SYNE2: variants seen among roughly 807,000 people sequenced by gnomAD.
SYNE2 encodes the protein nesprin-2.
SYNE2 carries 431 observed loss-of-function variants against 856.3 expected under a neutral mutation model. The observed-to-expected ratio is 0.50, with a 90% CI of 0.47 to 0.55. The LOEUF (loss-of-function observed/expected upper bound fraction) is 0.55. SYNE2 is among the 20% of genes least tolerant of loss of function. SYNE2 has a pLI of 0.00. For synonymous variants in SYNE2, 2,923 were observed against 2,872.3 expected, an observed-to-expected ratio of 1.02 and a Z score of -0.56; for missense variants, 8,129 against 8,023.2, an observed-to-expected ratio of 1.01 and a Z score of -0.50.
At chr14:64,086,061 G>A (rs962127766) in intron 57 of SYNE2, among the ~76,000 whole-genome samples, 3 of 152,018 alleles carry the variant, frequency 2.0e-5, no homozygotes, top group Non-Finnish European at 4.4e-5. Flanking sequence ...CTTTTGTGTT[G>A]CATTCTAAGA....
chr14:63,831,438 C>CTTGAT (rs1889663347), intron 1 of SYNE2, among the ~76,000 whole-genome samples: 1 of 147,478 alleles, frequency 6.8e-6, no homozygotes, highest in Non-Finnish European at 1.5e-5. Context: ...GACATTTGCT[C>CTTGAT]TTGATTTTTG....
At chr14:64,137,720 T>G (rs2098106470) in intron 78 of SYNE2, 67 bp from the exon 79 acceptor site, 7 of 1,525,252 alleles carry the variant, frequency 4.6e-6, no homozygotes, top group African/African-American at 2.8e-5. Flanking sequence ...TTAAATGCAG[T>G]ATTTGTGAAT....
intron 90 of SYNE2, among the ~76,000 whole-genome samples, chr14:64,166,579 T>C (rs1053700065): frequency 2.0e-5 from 3 of 152,238 alleles, no homozygotes; most frequent in Non-Finnish European, 4.4e-5. Flanking sequence ...ACTCTGTGCT[T>C]GACCTGTTTG....
At chr14:64,008,638 T>G (rs1287606030) in intron 31 of SYNE2, among the ~76,000 whole-genome samples, 1 of 152,218 alleles carries the variant, frequency 6.6e-6, no homozygotes, top group African/African-American at 2.4e-5. Context: ...TGGAATATCC[T>G]CTGTCCATCC....
At chr14:63,786,438 C>T (rs1186039653) in intron 1 of SYNE2, among the ~76,000 whole-genome samples, 1 of 152,116 alleles carries the variant, frequency 6.6e-6, no homozygotes, top group Non-Finnish European at 1.5e-5. Context: ...ACTGCCCTTC[C>T]CTTCTTCCAC....
chr14:64,132,254 C>G lies in SYNE2; in HGVS notation c.14341-11C>G, dbSNP rs369669657. On this transcript the variant is annotated splice_polypyrimidine_tract_variant and intron_variant, in intron 76 of 115. Coordinates refer to ENST00000555002, the MANE Select transcript of SYNE2 (RefSeq NM_182914.3). ...TTCAAAGTAAATATTAAAACTTTCTCCATCTCATAGGTTTTTTTCCAGAAG... is the reference window on the plus strand; with the variant it reads ...TTCAAAGTAAATATTAAAACTTTCTGCATCTCATAGGTTTTTTTCCAGAAG... The G allele has an allele frequency of 2.5e-6, 4 of 1,612,488 alleles. No individual in the cohort carries two copies. In the African/African-American group the frequency reaches 5.3e-5, roughly 22 times the overall value.
chr14:63,850,527 G>A (rs1011041102), upstream of SYNE2, among the ~76,000 whole-genome samples: 2 of 152,070 alleles, frequency 1.3e-5, no homozygotes, highest in Non-Finnish European at 2.9e-5. Context: ...GCCCAGGGTT[G>A]TGTTTTAAAA....
chr14:64,141,809 TTTG>T lies in SYNE2; in HGVS notation c.15160-130_15160-128del, dbSNP rs1473946492. 1.1e-4 allele frequency: 138 copies of T among 1,208,202 alleles called. 1 individual carries two copies. The South Asian group carries it at 1.8e-3, about 16-fold the overall frequency. The allele number at this position is 1,208,202 out of a possible 1,614,324, so 74.8% of individuals were successfully genotyped here. On this transcript the variant is annotated intron_variant, in intron 81 of 115. Coordinates refer to ENST00000555002, the MANE Select transcript of SYNE2 (RefSeq NM_182914.3). Reference sequence around the variant, plus strand: ...GCTTATTCTAAGTTTGAATGCTGGGTTTGTTTTTTTTTTGAGTAACCTGCATAA... The same window carrying T: ...GCTTATTCTAAGTTTGAATGCTGGGTTTTTTTTTTTGAGTAACCTGCATAA...
chr14:64,113,094 C>T (rs2097824830), intron 65 of SYNE2: 36 of 985,258 alleles, frequency 3.7e-5, no homozygotes, highest in Non-Finnish European at 4.3e-5. Context: ...GAACTGTGAG[C>T]CTGTTTGCGT....
intron 1 of SYNE2, among the ~76,000 whole-genome samples, chr14:63,898,506 GC>G (rs2095290032): frequency 6.6e-6 from 1 of 152,030 alleles, no homozygotes; most frequent in African/African-American, 2.4e-5. Context: ...CCTGGCTCAA[GC>G]GATCCACCCG....
rs59481661 is a variant in SYNE2 at position 63,771,896 on chromosome 14, C to CAAAAAAAAAAAAAAAAA, written c.-305+9915_-305+9916insAAAAAAAAAAAAAAAAA. 1.2e-4 allele frequency among the ~76,000 whole-genome samples: 18 copies of CAAAAAAAAAAAAAAAAA among 148,128 alleles called. 1 individual carries two copies. The highest frequency in any genetic ancestry group is 4.8e-4 in the African/African-American group (18 of 37,776). Reference sequence around the variant, plus strand: ...TGGGCGATAGAGTGAGACTCTGTCTCAAAAAGCAAAAACAAAAACAAAAAC... The same window carrying CAAAAAAAAAAAAAAAAA: ...TGGGCGATAGAGTGAGACTCTGTCTCAAAAAAAAAAAAAAAAAAAAAAGCAAAAACAAAAACAAAAAC... On this transcript the variant is annotated intron_variant, in intron 1 of 23. Transcript: ENST00000674003.
intron 18 of SYNE2, among the ~76,000 whole-genome samples, chr14:63,984,685 A>G (rs547111979): frequency 2.0e-5 from 3 of 152,302 alleles, no homozygotes; most frequent in Admixed American, 6.5e-5. Context: ...TGGCTTTGGA[A>G]ATGCTCCACC....
rs545010154 is a variant in SYNE2 at position 64,167,709 on chromosome 14, A to C, written c.16905+70A>C. On this transcript the variant is annotated intron_variant, in intron 92 of 115. Coordinates refer to ENST00000555002, the MANE Select transcript of SYNE2 (RefSeq NM_182914.3). ...AGGAGTCAGGGAAAGATAGCTTTAA[A>C]TAAAACACAGGGAGTGTACCTATCA... The C allele has an allele frequency of 3.3e-5, 53 of 1,605,816 alleles. No individual in the cohort carries two copies. In the African/African-American group the frequency reaches 6.9e-4, roughly 21 times the overall value.
rs59794233 is a variant in SYNE2, at chr14:64,164,087, CTTATTTATTTATTTAT to C, written c.16479+533_16479+548del. 1.5e-3 allele frequency among the ~76,000 whole-genome samples: 203 copies of C among 137,836 alleles called. 2 individuals are homozygous for C. Among genetic ancestry groups the C allele is most frequent in the African/African-American group, 5.2e-3 (188 of 36,052 alleles). The allele number at this position is 137,836 out of a possible 152,430, so 90.4% of individuals were successfully genotyped here. Reference sequence around the variant, plus strand: ...GGCACCCACCACCACGCCTGGCTTGCTTATTTATTTATTTATTTATTTATTTATTTATTTATTTATT... The same window carrying C: ...GGCACCCACCACCACGCCTGGCTTGCTTATTTATTTATTTATTTATTTATT... On this transcript the variant is annotated intron_variant, in intron 89 of 115. Transcript: ENST00000555002.
At chr14:64,103,951 G>T (rs1360446592) in intron 64 of SYNE2, among the ~76,000 whole-genome samples, 1 of 152,172 alleles carries the variant, frequency 6.6e-6, no homozygotes, top group Non-Finnish European at 1.5e-5. Context: ...ATAGGATTCT[G>T]AACCTCAATT....
chr14:64,019,820 T>C (rs2096923241), intron 34 of SYNE2, among the ~76,000 whole-genome samples, 172 bp from the exon 35 acceptor site: 1 of 152,242 alleles, frequency 6.6e-6, no homozygotes, highest in Admixed American at 6.5e-5. Flanking sequence ...AGCATTTGCC[T>C]GACCCCTGAA....
chr14:64,190,955 A>G (rs1195470490), intron 99 of SYNE2: 1 of 702,370 alleles, frequency 1.4e-6, no homozygotes. Context: ...GCCACGTGGC[A>G]TACAGCGAAC....
intron 48 of SYNE2, 86 bp from the exon 49 acceptor site, chr14:64,055,853 CATATT>C: frequency 1.2e-6 from 1 of 806,472 alleles, no homozygotes; most frequent in South Asian, 1.7e-5. Flanking sequence ...GACTCAGAGA[CATATT>C]ATCTATGTAC....
At position 64,154,168 on chromosome 14, in the gene SYNE2, T is replaced by TAAA. The variant is rs5809216; in HGVS notation, c.15792+1465_15792+1467dup. ...AACATAGCAAGACCCCCATTTGTAT[T>TAAA]AAAAAAAAAAAAAAAGACACAAGTA... On this transcript the variant is annotated intron_variant, in intron 85 of 115. Coordinates refer to ENST00000555002, the MANE Select transcript of SYNE2 (RefSeq NM_182914.3). Among the ~76,000 whole-genome samples, 528 of 138,020 alleles carry TAAA rather than the reference T, an allele frequency of 3.8e-3. 12 individuals are homozygous for TAAA. Among genetic ancestry groups the TAAA allele is most frequent in the Admixed American group, 0.032 (448 of 13,976 alleles). 90.5% of individuals were successfully genotyped at this position (138,020 alleles called of 152,430 possible).
Sources: allele counts gnomAD v4.1 joint callset (sites outside exome capture counted in the v4.1 genomes callset), GRCh38; gene constraint gnomAD v4.1.1; transcripts MANE v1.5; gene names NCBI Gene and HGNC (gene_info 2026-07-23, HGNC 2026-07-21).